Variants in OSBPL3 observed in about 807,000 individuals in gnomAD.
The protein encoded by OSBPL3 is oxysterol-binding protein-related protein 3.
OSBPL3 carries 65 observed loss-of-function variants against 120.1 expected under a neutral mutation model. The ratio of observed to expected loss-of-function variants is 0.54; its 90% CI spans 0.44 to 0.67. The LOEUF is 0.67. Ranked by LOEUF, OSBPL3 falls within the 30% of genes least tolerant of loss-of-function variation. OSBPL3 has a pLI of 0.00. For missense variants in OSBPL3, 1,004 were observed against 1,082.1 expected (o/e 0.93, Z 1.01); for synonymous variants, 416 against 402.6 (o/e 1.03, Z -0.40).
rs1792744855 is a variant in OSBPL3 at position 24,804,263 on chromosome 7, A to C, written c.2567+52T>G. 1 of 1,610,390 alleles carries C rather than the reference A, an allele frequency of 6.2e-7. No individual in the cohort carries two copies. The highest frequency in any genetic ancestry group is 1.7e-4 in the Middle Eastern group (1 of 5,876). On this transcript the variant is annotated intron_variant, in intron 22 of 22. Coordinates refer to ENST00000313367, the MANE Select transcript of OSBPL3 (RefSeq NM_015550.4). This position sits in a 1 kb window ranked among gnomAD's most constrained non-coding sequence, Gnocchi z 5.4. ...TTCACTTTCTGCAAACCAGAAGCAT[A>C]ACGTGCTGGCACCACCTATCAACCA...
At position 24,980,033 on chromosome 7, in the gene OSBPL3, G is replaced by A. The variant is rs1818114664; in HGVS notation, c.-297C>T. 3.0e-6 allele frequency: 3 copies of A among 985,480 alleles called. No individual in the cohort carries two copies. In the African/African-American group the frequency reaches 5.2e-5, roughly 17 times the overall value. The allele number at this position is 985,480 out of a possible 1,614,324, so 61.0% of individuals were successfully genotyped here. On this transcript the variant is annotated 5_prime_UTR_variant, in exon 1 of 23. Transcript: ENST00000313367. ...CTCCCGCACCGGCCGCAGGAGTCGG[G>A]GGCGGGGATGGCCACTTGCAGACAG...
rs147313380 is a variant in OSBPL3 at position 24,827,954 on chromosome 7, G to A, written c.1884+2814C>T. Among the ~76,000 whole-genome samples the A allele has an allele frequency of 7.9e-5, 12 of 152,284 alleles. No individual in the cohort carries two copies. The highest frequency in any genetic ancestry group is 2.6e-4 in the African/African-American group (11 of 41,558). On this transcript the variant is annotated intron_variant, in intron 16 of 22. Coordinates refer to ENST00000313367, the MANE Select transcript of OSBPL3 (RefSeq NM_015550.4). The surrounding 1 kb of genome is among the most constrained non-coding windows in gnomAD (Gnocchi z 5.1). The stretch of plus-strand genomic sequence containing the variant: ...AAGAAAGTATATATTATAGATATAT[G>A]CCTTTCTAGTTTTCTTTCATCAAGT...
chr7:24,811,151 G>A (rs1327847923), intron 19 of OSBPL3, among the ~76,000 whole-genome samples: 1 of 152,170 alleles, frequency 6.6e-6, no homozygotes, highest in South Asian at 2.1e-4. Flanking sequence ...CACAAATGGT[G>A]TGTTTCCTCT....
rs556496449 is a variant in OSBPL3 at position 24,939,448 on chromosome 7, TAAGC to T, written c.-150+40434_-150+40437del. ...CATTTCCCCTTGCTATTGATTGGCT[TAAGC>T]AAGTGCATCTGAAACAATCCTGGCC... On this transcript the variant is annotated intron_variant, in intron 1 of 22. Coordinates refer to ENST00000313367, the MANE Select transcript of OSBPL3 (RefSeq NM_015550.4). This position sits in a 1 kb window ranked among gnomAD's most constrained non-coding sequence, Gnocchi z 4.2. 2.0e-5 allele frequency among the ~76,000 whole-genome samples: 3 copies of T among 152,362 alleles called. No individual in the cohort carries two copies. The South Asian group carries it at 6.2e-4, about 32-fold the overall frequency.
At position 24,899,775 on chromosome 7, in the gene OSBPL3, A is replaced by C. The variant is rs1371470722; in HGVS notation, c.-149-7154T>G. On this transcript the variant is annotated intron_variant, in intron 1 of 22. Coordinates refer to ENST00000313367, the MANE Select transcript of OSBPL3 (RefSeq NM_015550.4). The surrounding 1 kb of genome is among the most constrained non-coding windows in gnomAD (Gnocchi z 4.0). The stretch of plus-strand genomic sequence containing the variant: ...ACTATACAATCACCTACAATTTCTC[A>C]AAGTGTCCAGATCCACCTTCTTCAA... Among the ~76,000 whole-genome samples, 1 of 152,172 alleles carries C rather than the reference A, an allele frequency of 6.6e-6. No homozygotes were observed. The highest frequency in any genetic ancestry group is 1.5e-5 in the Non-Finnish European group (1 of 68,026).
intron 1 of OSBPL3, among the ~76,000 whole-genome samples, chr7:24,901,076 T>G (rs1806931105): frequency 6.7e-6 from 1 of 148,624 alleles, no homozygotes; most frequent in Non-Finnish European, 1.5e-5. Flanking sequence ...ACACTTATAA[T>G]CCCAGCGCTT....
rs925392922 is a variant in OSBPL3, at chr7:24,835,087, T to G, written c.1496-351A>C. Among the ~76,000 whole-genome samples, 2 of 152,206 alleles carry G rather than the reference T, an allele frequency of 1.3e-5. No homozygotes were observed. Among genetic ancestry groups the G allele is most frequent in the Non-Finnish European group, 2.9e-5 (2 of 68,026 alleles). On this transcript the variant is annotated intron_variant, in intron 14 of 22. Transcript: ENST00000313367. The surrounding 1 kb of genome is among the most constrained non-coding windows in gnomAD (Gnocchi z 4.8). ...TTGTAAACTTTTTAAAAAATCACTT[T>G]AAATTCTGGTAAAACAATTGTGTTT... is the stretch of plus-strand genomic sequence containing the variant.
At chr7:24,924,057 C>A (rs565528053) in intron 1 of OSBPL3, among the ~76,000 whole-genome samples, 2 of 152,274 alleles carry the variant, frequency 1.3e-5, no homozygotes, top group African/African-American at 4.8e-5. Flanking sequence ...AATATTGATA[C>A]CTTTGGACTC....
chr7:24,971,510 C>G (rs777508378), intron 1 of OSBPL3, among the ~76,000 whole-genome samples: 3 of 152,224 alleles, frequency 2.0e-5, no homozygotes, highest in Non-Finnish European at 4.4e-5. Context: ...GACCCTCCCA[C>G]ACCCAGAGTC....
chr7:24,940,061 T>C lies in OSBPL3; in HGVS notation c.-150+39825A>G, dbSNP rs1812900423. On this transcript the variant is annotated intron_variant, in intron 1 of 22. Coordinates refer to ENST00000313367, the MANE Select transcript of OSBPL3 (RefSeq NM_015550.4). The surrounding 1 kb of genome is among the most constrained non-coding windows in gnomAD (Gnocchi z 4.4). ...GAGAATTTCTTCCTATTGACTTCTG[T>C]TTCTAGATGAAATGAAAACAAGTTC... is the stretch of plus-strand genomic sequence containing the variant. Among the ~76,000 whole-genome samples, 1 of 152,160 alleles carries C rather than the reference T, an allele frequency of 6.6e-6. No individual in the cohort carries two copies. The highest frequency in any genetic ancestry group is 2.1e-4 in the South Asian group (1 of 4,826).
In OSBPL3 at chr7:24,883,738, G is replaced by T. The variant is rs1036529927; in HGVS notation, c.96+8639C>A. On this transcript the variant is annotated intron_variant, in intron 2 of 22. Transcript: ENST00000313367. The surrounding 1 kb of genome is among the most constrained non-coding windows in gnomAD (Gnocchi z 5.4). ...CAGTTTCTCGTGATCTTCAGAGTGT[G>T]GAATGCAGCTGACAGTCTGTCATTT... 1.3e-5 allele frequency among the ~76,000 whole-genome samples: 2 copies of T among 152,172 alleles called. No homozygotes were observed. Among genetic ancestry groups the T allele is most frequent in the Non-Finnish European group, 2.9e-5 (2 of 68,038 alleles).
At chr7:24,880,864 A>G (rs1803584368) in intron 2 of OSBPL3, among the ~76,000 whole-genome samples, 1 of 152,160 alleles carries the variant, frequency 6.6e-6, no homozygotes, top group Admixed American at 6.5e-5. Flanking sequence ...TCCTTTTTAT[A>G]TCACCCAGGA....
Position 24,937,246 on chromosome 7 carries a change from C to T in OSBPL3, c.-150+42640G>A, listed in dbSNP as rs1247024326. Reference sequence around the variant, plus strand: ...TGAGAACAGGATGGAGGGAACCTCTCCCATAATTCAATTTTCTCCCACCAG... The same window carrying T: ...TGAGAACAGGATGGAGGGAACCTCTTCCATAATTCAATTTTCTCCCACCAG... On this transcript the variant is annotated intron_variant, in intron 1 of 22. Transcript: ENST00000313367. This position sits in a 1 kb window ranked among gnomAD's most constrained non-coding sequence, Gnocchi z 4.0. Among the ~76,000 whole-genome samples the T allele has an allele frequency of 1.3e-5, 2 of 152,160 alleles. No homozygotes were observed. Among genetic ancestry groups the T allele is most frequent in the East Asian group, 3.8e-4 (2 of 5,198 alleles).
intron 1 of OSBPL3, among the ~76,000 whole-genome samples, chr7:24,911,776 C>A (rs112316397): frequency 0.015 from 2,255 of 152,256 alleles, 52 homozygotes; most frequent in South Asian, 0.038. Flanking sequence ...GTTTTACTCA[C>A]TTCTAGGGGA....
At chr7:24,975,401 G>A (rs559317870) in intron 1 of OSBPL3, among the ~76,000 whole-genome samples, 26 of 152,278 alleles carry the variant, frequency 1.7e-4, no homozygotes, top group African/African-American at 5.8e-4. Context: ...TGGCATATTC[G>A]TTGTTTCATC....
rs990349921 is a variant in OSBPL3 at position 24,952,166 on chromosome 7, G to C, written c.-150+27720C>G. Among the ~76,000 whole-genome samples, 1 of 152,172 alleles carries C rather than the reference G, an allele frequency of 6.6e-6. No individual in the cohort carries two copies. The highest frequency in any genetic ancestry group is 1.9e-4 in the East Asian group (1 of 5,206). On this transcript the variant is annotated intron_variant, in intron 1 of 22. Coordinates refer to ENST00000313367, the MANE Select transcript of OSBPL3 (RefSeq NM_015550.4). This position sits in a 1 kb window ranked among gnomAD's most constrained non-coding sequence, Gnocchi z 4.4. ...AGTCTTGGAATGCAATAGGCAGGAG[G>C]CACTTGAACTACCCAGACACTGAAA...
At chr7:24,897,064 A>AGAGG (rs1330412509) in intron 1 of OSBPL3, among the ~76,000 whole-genome samples, 1 of 138,302 alleles carries the variant, frequency 7.2e-6, no homozygotes, top group African/African-American at 2.6e-5. Flanking sequence ...AAGGAGGGAG[A>AGAGG]GAGGGAGGGA....
chr7:24,812,506 T>C (rs1192470908), intron 19 of OSBPL3, among the ~76,000 whole-genome samples: 2 of 152,002 alleles, frequency 1.3e-5, no homozygotes, highest in Non-Finnish European at 2.9e-5. Context: ...TTTATACAGT[T>C]CCACACTGCA....
At chr7:24,941,415 A>G (rs1289618620) in intron 1 of OSBPL3, among the ~76,000 whole-genome samples, 1 of 152,034 alleles carries the variant, frequency 6.6e-6, no homozygotes, top group Admixed American at 6.5e-5. Flanking sequence ...AGGTTCAGGT[A>G]GCAATTATCA....
Sources: gnomAD v4.1 joint callset for allele counts (sites outside exome capture counted in the v4.1 genomes callset) on GRCh38, gnomAD v4.1.1 for gene constraint, Gnocchi (gnomAD v3.1) non-coding constraint, MANE v1.5 for transcripts, NCBI Gene and HGNC (gene_info 2026-07-23, HGNC 2026-07-21) for gene names.